DPP6: variants seen among roughly 807,000 people sequenced by gnomAD.
DPP6 encodes the protein dipeptidyl peptidase like 6.
A neutral mutation model predicts 122.6 loss-of-function variants in DPP6; 69 were observed. The observed-to-expected ratio is 0.56, with a 90% CI of 0.46 to 0.69. The LOEUF is 0.69. Ranked by LOEUF, DPP6 falls within the 30% of genes least tolerant of loss-of-function variation. The pLI is 0.00. For missense variants in DPP6, 928 were observed against 1,116.9 expected (o/e 0.83, Z 2.41); for synonymous variants, 418 against 433.1 (o/e 0.97, Z 0.43).
chr7:153,932,051 A>G (rs1207452284), intron 1 of DPP6, among the ~76,000 whole-genome samples: 1 of 152,090 alleles, frequency 6.6e-6, no homozygotes, highest in South Asian at 2.1e-4. Flanking sequence ...TGAGACTTGT[A>G]AAAGGTGAGA....
chr7:154,464,150 G>A (rs10268315), intron 2 of DPP6, among the ~76,000 whole-genome samples: 34,473 of 152,180 alleles, frequency 0.23, 5,478 homozygotes, highest in African/African-American at 0.45. Context: ...GGGATATGCA[G>A]TTCCCGAATG....
the DPP6 span, among the ~76,000 whole-genome samples, chr7:153,803,860 T>C: frequency 0.033 from 4,979 of 151,524 alleles, 262 homozygotes; most frequent in African/African-American, 0.11. Flanking sequence ...CACACATATA[T>C]ATATACACAC....
intron 5 of DPP6, 94 bp from the exon 6 acceptor site, chr7:154,637,727 A>T: frequency 7.5e-7 from 1 of 1,331,654 alleles, no homozygotes; most frequent in Non-Finnish European, 1.0e-6. Flanking sequence ...CTTTTGGTTC[A>T]CTGATGTTTG....
intron 7 of DPP6, among the ~76,000 whole-genome samples, chr7:154,675,435 T>C (rs1586865799): frequency 6.6e-6 from 1 of 152,172 alleles, no homozygotes. Context: ...TAGGAGCAGG[T>C]AGACTGGACT....
intron 1 of DPP6, among the ~76,000 whole-genome samples, chr7:154,421,663 GA>G (rs869195210): frequency 5.8e-4 from 1 of 1,728 alleles, no homozygotes. Flanking sequence ...GAGGGGATTG[GA>G]GACTGGATGA....
intron 1 of DPP6, among the ~76,000 whole-genome samples, chr7:154,381,654 T>A (rs1397049820): frequency 6.6e-6 from 1 of 152,206 alleles, no homozygotes; most frequent in East Asian, 1.9e-4. Context: ...AAAATGCTGG[T>A]TTCAGCAACA....
At chr7:154,113,820 CATTTTTGGAAGAGACTGTT>C (rs1806780954) in intron 1 of DPP6, among the ~76,000 whole-genome samples, 1 of 152,124 alleles carries the variant, frequency 6.6e-6, no homozygotes, top group South Asian at 2.1e-4. Flanking sequence ...TTCCCAGCAC[CATTTTTGGAAGAGACTGTT>C]ATTTTCCCAT....
intron 1 of DPP6, among the ~76,000 whole-genome samples, chr7:153,920,948 C>G (rs1800610616): frequency 6.6e-6 from 1 of 152,218 alleles, no homozygotes; most frequent in Non-Finnish European, 1.5e-5. Context: ...GATTAAAATA[C>G]TAAGTCTCAG....
intron 5 of DPP6, among the ~76,000 whole-genome samples, chr7:154,631,612 A>C (rs567649058): frequency 1.3e-5 from 2 of 151,866 alleles, no homozygotes; most frequent in East Asian, 3.9e-4. Context: ...GGTTGCGGTG[A>C]GCCAAGATTG....
the DPP6 span, among the ~76,000 whole-genome samples, chr7:153,845,415 A>G: frequency 5.9e-5 from 9 of 151,974 alleles, no homozygotes; most frequent in Non-Finnish European, 1.2e-4. Flanking sequence ...CTTTTGTCTG[A>G]CATTAATATA....
intron 8 of DPP6, among the ~76,000 whole-genome samples, chr7:154,743,463 G>A (rs1842904439): frequency 6.6e-6 from 1 of 152,144 alleles, no homozygotes; most frequent in Non-Finnish European, 1.5e-5. Context: ...AGTCATTTGG[G>A]GTGTTAGGAA....
chr7:153,783,473 G>A, the DPP6 span, among the ~76,000 whole-genome samples: 1 of 152,138 alleles, frequency 6.6e-6, no homozygotes, highest in African/African-American at 2.4e-5. Flanking sequence ...ACACAATTAT[G>A]GGGATTACAA....
intron 9 of DPP6, 28 bp from the exon 10 acceptor site, chr7:154,772,817 C>A: frequency 6.2e-7 from 1 of 1,603,912 alleles, no homozygotes; most frequent in South Asian, 1.1e-5. Context: ...GCTGCTTGTT[C>A]ATGTCTCTGC....
chr7:154,240,641 G>A (rs1276576653), intron 1 of DPP6, among the ~76,000 whole-genome samples: 2 of 152,196 alleles, frequency 1.3e-5, no homozygotes, highest in South Asian at 2.1e-4. Flanking sequence ...TCCTACAAAT[G>A]TTCCCTGAGT....
At chr7:154,003,802 G>A (rs1347092108) in intron 1 of DPP6, among the ~76,000 whole-genome samples, 1 of 152,124 alleles carries the variant, frequency 6.6e-6, no homozygotes, top group African/African-American at 2.4e-5. Flanking sequence ...GGGAGGCATG[G>A]TCCTTGCATG....
intron 1 of DPP6, among the ~76,000 whole-genome samples, chr7:154,344,824 G>T (rs541383524): frequency 6.6e-6 from 1 of 152,134 alleles, no homozygotes; most frequent in Non-Finnish European, 1.5e-5. Context: ...GGAGGCGGAG[G>T]TTGCAGTGAG....
intron 1 of DPP6, among the ~76,000 whole-genome samples, chr7:153,889,051 G>A (rs552994754): frequency 4.1e-4 from 63 of 152,284 alleles, no homozygotes; most frequent in African/African-American, 1.5e-3. Context: ...GAAGCGCCGT[G>A]GGTTCAGAAC....
intron 1 of DPP6, among the ~76,000 whole-genome samples, chr7:153,905,573 A>G (rs1799815360): frequency 6.6e-6 from 1 of 152,202 alleles, no homozygotes; most frequent in South Asian, 2.1e-4. Flanking sequence ...TAAAAAAGTC[A>G]TAATTAAAAA....
At chr7:154,831,109 C>G (rs1227131011) in intron 16 of DPP6, among the ~76,000 whole-genome samples, 1 of 152,204 alleles carries the variant, frequency 6.6e-6, no homozygotes, top group African/African-American at 2.4e-5. Flanking sequence ...AACGTCAGCC[C>G]TGCCTTAGAA....
Sources: allele counts gnomAD v4.1 joint callset (sites outside exome capture counted in the v4.1 genomes callset), GRCh38; gene constraint gnomAD v4.1.1; transcripts MANE v1.5; gene names NCBI Gene and HGNC (gene_info 2026-07-23, HGNC 2026-07-21).